The following ERV3-1 variants were observed in gnomAD, a reference collection of about 807,000 sequenced individuals.
The protein encoded by ERV3-1 is endogenous retrovirus group 3 member 1 Env polyprotein.
In ERV3-1, 36 loss-of-function variants were observed where a neutral mutation model predicts 24.6. The observed-to-expected ratio is 1.47, with a 90% CI of 1.12 to 1.94. The LOEUF (loss-of-function observed/expected upper bound fraction) is 1.94, where lower values mean the gene tolerates loss of function less well. Among genes scored for constraint, ERV3-1 ranks in the 30% most tolerant of loss-of-function variants. The pLI, the probability that ERV3-1 is intolerant of heterozygous loss-of-function variation, is 0.00. For missense variants in ERV3-1, 578 were observed against 330.9 expected (o/e 1.75, Z -5.79); for synonymous variants, 211 against 122.6 (o/e 1.72, Z -4.76).
Position 64,991,677 on chromosome 7 carries a change from G to A in ERV3-1, c.1350C>T (p.Pro450=). The A allele has an allele frequency of 1.4e-6, 1 of 726,878 alleles. No individual in the cohort carries two copies. The highest frequency in any genetic ancestry group is 2.6e-5 in the East Asian group (1 of 39,144). The allele number at this position is 726,878 out of a possible 1,614,324, so 45.0% of individuals were successfully genotyped here. ...ATCCTAAGGCTTCTCCCTGTTTTAG[G>A]GGCATTAGGAAGAAGGACGGCCTAA... ...GTIRPSFFLM[P]LKQGEALGYP... is the part of the protein sequence containing the mutation. The change falls in exon 2 of 2, where the codon CCC becomes CCT. Residue 450 remains proline (P), a synonymous_variant. Transcript: ENST00000394323.
chr7:65,002,574 G>A (rs973625054), intron 1 of ERV3-1, among the ~76,000 whole-genome samples: 1 of 151,966 alleles, frequency 6.6e-6, no homozygotes, highest in Non-Finnish European at 1.5e-5. Flanking sequence ...GTGATCCCCC[G>A]GCCTTGGCCT....
At chr7:64,996,108 A>C (rs1786404366) in intron 1 of ERV3-1, among the ~76,000 whole-genome samples, 1 of 152,204 alleles carries the variant, frequency 6.6e-6, no homozygotes, top group South Asian at 2.1e-4. Flanking sequence ...TAAAGTATAC[A>C]GGTTTGGTAC....
Position 64,990,774 on chromosome 7 carries a change from C to T in ERV3-1, c.*438G>A, listed in dbSNP as rs1305668988. 6.5e-6 allele frequency: 1 copy of T among 154,318 alleles called. No homozygotes were observed. Among genetic ancestry groups the T allele is most frequent in the Admixed American group, 6.5e-5 (1 of 15,374 alleles). 9.6% of individuals were successfully genotyped at this position (154,318 alleles called of 1,614,324 possible). On this transcript the variant is annotated 3_prime_UTR_variant, in exon 2 of 2. Transcript: ENST00000394323. ...AGAACTTGTTTTTCTCATCCCTGCTCCTGGAGCCCACTCCTTCGGAGCCCC... is the reference window on the plus strand; with the variant it reads ...AGAACTTGTTTTTCTCATCCCTGCTTCTGGAGCCCACTCCTTCGGAGCCCC...
intron 1 of ERV3-1, among the ~76,000 whole-genome samples, chr7:65,002,276 T>G (rs190178916): frequency 1.3e-5 from 2 of 152,336 alleles, no homozygotes; most frequent in Non-Finnish European, 2.9e-5. Context: ...TCTTCTTTTT[T>G]GTATTAAAAA....
intron 1 of ERV3-1, among the ~76,000 whole-genome samples, chr7:65,002,753 C>T (rs1188721896): frequency 6.6e-6 from 1 of 152,218 alleles, no homozygotes; most frequent in Non-Finnish European, 1.5e-5. Context: ...AACTTGCTGA[C>T]TTCATGGTAA....
chr7:64,991,579 C>A lies in ERV3-1; in HGVS notation c.1448G>T (p.Trp483Leu). ...ATATTGAATTATTCTTTCAGGAGGC[C>A]ATTCATTGTCCTTCCAATCTCCTAT... is the stretch of plus-strand genomic sequence containing the variant. ...ITIGDWKDNEWPPERIIQYYG... is the reference protein window; with the variant it reads ...ITIGDWKDNELPPERIIQYYG... Residue 483 changes from tryptophan (W) to leucine (L), a missense_variant, in exon 2 of 2, where the codon TGG becomes TTG. Trp to Leu is a moderately conservative substitution (Grantham distance 61). Transcript: ENST00000394323. The A allele has an allele frequency of 1.4e-6, 1 of 704,088 alleles. No homozygotes were observed. 43.6% of individuals were successfully genotyped at this position (704,088 alleles called of 1,614,324 possible). A position where few individuals can be genotyped will look rare whatever the true frequency, so the allele number is the denominator to read the frequency against.
chr7:65,002,667 C>T (rs934987140), intron 1 of ERV3-1, among the ~76,000 whole-genome samples: 7 of 152,214 alleles, frequency 4.6e-5, no homozygotes, highest in Admixed American at 6.5e-5. Context: ...AGTTTATCTC[C>T]TTTCCACAGG....
intron 1 of ERV3-1, among the ~76,000 whole-genome samples, chr7:64,995,328 C>T (rs577920905): frequency 9.8e-5 from 15 of 152,290 alleles, no homozygotes; most frequent in East Asian, 7.7e-4. Context: ...CACCACTGGG[C>T]GATGCCATGA....
rs568586797 is a variant in ERV3-1 at position 65,003,683 on chromosome 7, A to C, written c.-389+2858T>G. Reference sequence around the variant, plus strand: ...TTACGGTACTTACATTTCATACCTCAATAAGAAATACAAAAGCATTTATTC... The same window carrying C: ...TTACGGTACTTACATTTCATACCTCCATAAGAAATACAAAAGCATTTATTC... On this transcript the variant is annotated intron_variant, in intron 1 of 1. Transcript: ENST00000394323. 4 of 152,316 alleles carry C rather than the reference A, an allele frequency of 2.6e-5. No homozygotes were observed. The South Asian group carries it at 8.3e-4, about 32-fold the overall frequency. 9.4% of individuals were successfully genotyped at this position (152,316 alleles called of 1,614,324 possible). A position where few individuals can be genotyped will look rare whatever the true frequency, so the allele number is the denominator to read the frequency against.
chr7:65,005,945 C>T (rs116592864), intron 1 of ERV3-1: 6,478 of 152,524 alleles, frequency 0.042, 440 homozygotes, highest in African/African-American at 0.14. Flanking sequence ...CCACCTTGAT[C>T]GTACAAATTA....
In ERV3-1 at chr7:64,991,682, T is replaced by C. The variant is rs1562651089; in HGVS notation, c.1345A>G (p.Met449Val). 2.7e-6 allele frequency: 2 copies of C among 731,818 alleles called. No individual in the cohort carries two copies. The highest frequency in any genetic ancestry group is 5.0e-6 in the Non-Finnish European group (2 of 400,276). 45.3% of individuals were successfully genotyped at this position (731,818 alleles called of 1,614,324 possible). A position where few individuals can be genotyped will look rare whatever the true frequency, so the allele number is the denominator to read the frequency against. ...LGTIRPSFFL[M>V]PLKQGEALGY... The stretch of plus-strand genomic sequence containing the variant: ...AAGGCTTCTCCCTGTTTTAGGGGCA[T>C]TAGGAAGAAGGACGGCCTAATTGTC... The change falls in exon 2 of 2, where the codon ATG becomes GTG. Residue 449 changes from methionine to valine, a missense_variant. Met to Val is a conservative substitution (Grantham distance 21). Transcript: ENST00000394323.
chr7:64,997,500 C>T (rs1211514647), intron 1 of ERV3-1, among the ~76,000 whole-genome samples: 2 of 152,198 alleles, frequency 1.3e-5, no homozygotes, highest in African/African-American at 4.8e-5. Context: ...AGATTTTCCC[C>T]GTGTTGACTG....
chr7:64,994,088 G>T (rs965066850), intron 1 of ERV3-1, among the ~76,000 whole-genome samples: 1 of 152,128 alleles, frequency 6.6e-6, no homozygotes, highest in South Asian at 2.1e-4. Context: ...TGTACCGATA[G>T]CTCCCTGCCT....
rs1317872323 is a variant in ERV3-1, at chr7:64,991,645, A to C, written c.1382T>G (p.Ile461Ser). ...GCTTTTCCTTTTAGTTTCATCATAG[A>C]TGGGGTATCCTAAGGCTTCTCCCTG... ...LKQGEALGYP[I>S]YDETKRKSKR... The change falls in exon 2 of 2, where the codon ATC (isoleucine) becomes AGC (serine). Residue 461 changes from isoleucine (I) to serine (S), a missense_variant. Transcript: ENST00000394323. The C allele has an allele frequency of 2.8e-6, 2 of 706,876 alleles. No homozygotes were observed. Among genetic ancestry groups the C allele is most frequent in the Admixed American group, 2.0e-5 (1 of 50,098 alleles). The allele number at this position is 706,876 out of a possible 1,614,324, so 43.8% of individuals were successfully genotyped here.
chr7:65,003,912 A>G (rs982862750), intron 1 of ERV3-1: 2 of 152,134 alleles, frequency 1.3e-5, no homozygotes, highest in African/African-American at 4.8e-5. Flanking sequence ...CATGAATGTA[A>G]CTCACCAATT....
At chr7:65,001,335 A>C (rs934357468) in intron 1 of ERV3-1, among the ~76,000 whole-genome samples, 1 of 152,144 alleles carries the variant, frequency 6.6e-6, no homozygotes, top group Non-Finnish European at 1.5e-5. Flanking sequence ...AGAATCCTAG[A>C]TTGGTGGAGA....
chr7:65,000,414 G>A (rs967532941), intron 1 of ERV3-1, among the ~76,000 whole-genome samples: 1 of 134 alleles, frequency 7.5e-3, no homozygotes, highest in African/African-American at 0.014. Context: ...AGTAGAGACG[G>A]GGGTGTCATC....
rs1470238736 is a variant in ERV3-1, at chr7:64,990,368, G to T, written c.*844C>A. Reference sequence around the variant, plus strand: ...CCGGAGAGATCACTGGGTGCAACAGGAAGGTTTTATTTAGGTGGCCACTGG... The same window carrying T: ...CCGGAGAGATCACTGGGTGCAACAGTAAGGTTTTATTTAGGTGGCCACTGG... On this transcript the variant is annotated 3_prime_UTR_variant, in exon 2 of 2. Coordinates refer to ENST00000394323, the MANE Select transcript of ERV3-1 (RefSeq NM_001007253.4). 1 of 177,034 alleles carries T rather than the reference G, an allele frequency of 5.6e-6. No individual in the cohort carries two copies. Among genetic ancestry groups the T allele is most frequent in the Non-Finnish European group, 1.2e-5 (1 of 84,022 alleles). 11.0% of individuals were successfully genotyped at this position (177,034 alleles called of 1,614,324 possible). A position where few individuals can be genotyped will look rare whatever the true frequency, so the allele number is the denominator to read the frequency against.
chr7:65,006,322 A>T, intron 1 of ERV3-1: 1 of 707,306 alleles, frequency 1.4e-6, no homozygotes, highest in Non-Finnish European at 2.4e-6. Flanking sequence ...AGGCACAGTC[A>T]CTGCGCAGGG....
Sources: gnomAD v4.1 joint callset for allele counts (sites outside exome capture counted in the v4.1 genomes callset) on GRCh38, gnomAD v4.1.1 for gene constraint, MANE v1.5 for transcripts, NCBI Gene and HGNC (gene_info 2026-07-23, HGNC 2026-07-21) for gene names.